MEGF11: variants seen among roughly 807,000 people sequenced by gnomAD.
MEGF11 encodes the protein multiple epidermal growth factor-like domains protein 11.
Under a neutral mutation model 146.6 loss-of-function variants are expected in MEGF11, and 126 were observed. The ratio of observed to expected loss-of-function variants is 0.86; its 90% confidence interval spans 0.74 to 1.00. MEGF11 has a LOEUF of 1.00. Ranked by LOEUF, MEGF11 falls within the 50% of genes least tolerant of loss-of-function variation. MEGF11 has a pLI of 0.00. For missense variants in MEGF11, 1,509 were observed against 1,521.2 expected (o/e 0.99, Z 0.13); for synonymous variants, 532 against 583.4 (o/e 0.91, Z 1.27).
intron 1 of MEGF11, among the ~76,000 whole-genome samples, chr15:66,172,378 G>A (rs2090283501): frequency 6.6e-6 from 1 of 151,580 alleles, no homozygotes. Context: ...CCTGCTCCGT[G>A]GCCTGGTGGG....
chr15:65,998,079 C>A (rs939623189), intron 5 of MEGF11, among the ~76,000 whole-genome samples: 2 of 152,086 alleles, frequency 1.3e-5, no homozygotes, highest in African/African-American at 2.4e-5. Context: ...GTAGAGAAGG[C>A]AGGTGATGTG....
At chr15:66,122,424 G>A (rs778065625) in intron 3 of MEGF11, among the ~76,000 whole-genome samples, 3 of 152,158 alleles carry the variant, frequency 2.0e-5, no homozygotes, top group Non-Finnish European at 4.4e-5. Context: ...AAGAAAACCA[G>A]GACTTCGGCT....
intron 5 of MEGF11, among the ~76,000 whole-genome samples, chr15:66,062,292 A>G (rs1036221983): frequency 6.6e-6 from 1 of 152,242 alleles, no homozygotes; most frequent in African/African-American, 2.4e-5. Flanking sequence ...GGCAAAGATG[A>G]TGGGCTGTCC....
chr15:65,933,971 T>C (rs554282126), intron 10 of MEGF11, among the ~76,000 whole-genome samples: 34 of 152,334 alleles, frequency 2.2e-4, no homozygotes, highest in South Asian at 6.2e-4. Context: ...TGCAAAGATA[T>C]AGCATCTCTT....
At chr15:66,237,479 A>C (rs2092120813) in intron 1 of MEGF11, among the ~76,000 whole-genome samples, 1 of 152,164 alleles carries the variant, frequency 6.6e-6, no homozygotes, top group African/African-American at 2.4e-5. Context: ...GAGTAGTGAC[A>C]ATGGCTGCCG....
intron 5 of MEGF11, among the ~76,000 whole-genome samples, chr15:66,016,480 T>TA (rs1491534305): frequency 6.3e-4 from 1 of 1,594 alleles, no homozygotes; most frequent in African/African-American, 1.1e-3. Flanking sequence ...ATCCATTCAG[T>TA]TTTTTTTTTT....
At chr15:66,021,154 G>A (rs1349191804) in intron 5 of MEGF11, among the ~76,000 whole-genome samples, 1 of 152,164 alleles carries the variant, frequency 6.6e-6, no homozygotes, top group Admixed American at 6.5e-5. Context: ...GGGGCCTGCA[G>A]GGACAACGCT....
intron 5 of MEGF11, among the ~76,000 whole-genome samples, chr15:66,008,807 G>A (rs1322768276): frequency 1.4e-5 from 2 of 139,714 alleles, no homozygotes; most frequent in African/African-American, 2.7e-5. Context: ...TTGGACAACA[G>A]AACAAGACTC....
chr15:66,218,025 T>C lies in MEGF11; in HGVS notation c.-9+35580A>G, dbSNP rs182765822. ...TCTTGGCACATGTCCCCAGCATCCT[T>C]CTCAGAAAAGGGCACAAGCACTGCC... On this transcript the variant is annotated intron_variant, in intron 1 of 25. Coordinates refer to ENST00000395614, the MANE Select transcript of MEGF11 (RefSeq NM_001385028.1). Among the ~76,000 whole-genome samples the C allele has an allele frequency of 2.2e-3, 340 of 152,300 alleles. 2 individuals are homozygous for C. Among genetic ancestry groups the C allele is most frequent in the African/African-American group, 8.1e-3 (338 of 41,564 alleles).
intron 10 of MEGF11, among the ~76,000 whole-genome samples, chr15:65,951,149 A>G (rs2080387745): frequency 6.6e-6 from 1 of 152,216 alleles, no homozygotes; most frequent in Admixed American, 6.5e-5. Context: ...AAACAAAGGG[A>G]TGGAATGGTT....
chr15:66,250,635 C>CTGGATTACA (rs2092357526), intron 1 of MEGF11, among the ~76,000 whole-genome samples: 1 of 152,188 alleles, frequency 6.6e-6, no homozygotes, highest in African/African-American at 2.4e-5. Context: ...GGGCTGGGTG[C>CTGGATTACA]GGTGGCTCAG....
At chr15:65,933,082 A>T (rs2079636131) in intron 10 of MEGF11, among the ~76,000 whole-genome samples, 1 of 151,728 alleles carries the variant, frequency 6.6e-6, no homozygotes. Flanking sequence ...TGCCACGGAG[A>T]GGCTTCTCTC....
intron 1 of MEGF11, among the ~76,000 whole-genome samples, chr15:66,159,632 C>T (rs780328136): frequency 1.3e-5 from 2 of 152,176 alleles, no homozygotes; most frequent in Non-Finnish European, 2.9e-5. Context: ...AAGATTCAGT[C>T]ATGAGCATTG....
intron 2 of MEGF11, among the ~76,000 whole-genome samples, chr15:66,125,967 C>T (rs2088317247): frequency 6.6e-6 from 1 of 152,172 alleles, no homozygotes; most frequent in African/African-American, 2.4e-5. Flanking sequence ...GCAACCAGGC[C>T]TCGTACCAAC....
At chr15:66,042,744 C>T (rs900324478) in intron 5 of MEGF11, among the ~76,000 whole-genome samples, 3 of 152,354 alleles carry the variant, frequency 2.0e-5, no homozygotes, top group South Asian at 2.1e-4. Flanking sequence ...CTGGCCGCTG[C>T]ATAACTGCAG....
intron 1 of MEGF11, among the ~76,000 whole-genome samples, chr15:66,133,606 C>T (rs769948450): frequency 6.6e-6 from 1 of 152,190 alleles, no homozygotes; most frequent in Non-Finnish European, 1.5e-5. Flanking sequence ...TCCCAGTCCC[C>T]AGCCCTCTCT....
At chr15:66,110,019 C>A (rs752976945) in intron 4 of MEGF11, among the ~76,000 whole-genome samples, 2 of 152,132 alleles carry the variant, frequency 1.3e-5, no homozygotes, top group African/African-American at 4.8e-5. Context: ...TGCAGAGGGG[C>A]CCCGGGGTGG....
chr15:66,000,010 G>A (rs570977600), intron 5 of MEGF11, among the ~76,000 whole-genome samples: 14 of 152,282 alleles, frequency 9.2e-5, no homozygotes, highest in African/African-American at 3.4e-4. Context: ...TACAAGTGCT[G>A]CTTAACCCAC....
chr15:65,955,605 G>C (rs1225943536), intron 10 of MEGF11, among the ~76,000 whole-genome samples: 1 of 148,412 alleles, frequency 6.7e-6, no homozygotes, highest in African/African-American at 2.5e-5. Flanking sequence ...TTAGCTAGGC[G>C]TGGTGGCACA....
Sources: allele counts gnomAD v4.1 joint callset (sites outside exome capture counted in the v4.1 genomes callset), GRCh38; gene constraint gnomAD v4.1.1; transcripts MANE v1.5; gene names NCBI Gene and HGNC (gene_info 2026-07-23, HGNC 2026-07-21).